The following DIPK2B variants were observed in gnomAD, a reference collection of about 807,000 sequenced individuals.
DIPK2B encodes the protein divergent protein kinase domain 2B, also known as UPF0672 protein CXorf36.
A neutral mutation model predicts 22.2 loss-of-function variants in DIPK2B; 15 were observed. That is an observed-to-expected ratio of 0.68 (90% CI 0.45 to 1.04). The LOEUF (loss-of-function observed/expected upper bound fraction) is 1.04, where lower values mean the gene tolerates loss of function less well. Among genes scored for constraint, DIPK2B ranks in the 50% least tolerant of loss-of-function variants. The probability of loss-of-function intolerance (pLI) is 0.00; values close to 1 mark genes in which losing one functional copy is unlikely to be tolerated. For synonymous variants in DIPK2B, 163 were observed against 153.2 expected (o/e 1.06, Z -0.47); for missense variants, 345 against 348.3 (o/e 0.99, Z 0.08).
At chrX:45,153,520 GT>G (rs2046972197) in intron 4 of DIPK2B, among the ~76,000 whole-genome samples, 1 of 104,548 alleles carries the variant, frequency 9.6e-6, no homozygotes, top group Non-Finnish European at 2.0e-5. Context: ...GTGTGTGTGT[GT>G]GACAGAGAGA....
chrX:45,158,266 G>C (rs890469300), intron 2 of DIPK2B, among the ~76,000 whole-genome samples: 1 of 110,221 alleles, frequency 9.1e-6, no homozygotes, highest in African/African-American at 3.3e-5. Flanking sequence ...CACTGGGCAG[G>C]CTGAGGGCAG....
intron 2 of DIPK2B, among the ~76,000 whole-genome samples, chrX:45,174,829 G>A (rs2047107490): frequency 9.0e-6 from 1 of 111,445 alleles, no homozygotes; most frequent in African/African-American, 3.3e-5. Flanking sequence ...TCATGAAGAT[G>A]CCATGTGTAT....
At position 45,149,856 on chromosome X, in the gene DIPK2B, C is replaced by T. The variant is rs2046951401; in HGVS notation, c.*1796G>A. 8.9e-6 allele frequency: 1 copy of T among 112,583 alleles called. No individual in the cohort carries two copies. Among genetic ancestry groups the T allele is most frequent in the African/African-American group, 3.2e-5 (1 of 30,912 alleles). 9.3% of individuals were successfully genotyped at this position (112,583 alleles called of 1,213,427 possible). On this transcript the variant is annotated 3_prime_UTR_variant, in exon 5 of 5. Transcript: ENST00000398000. ...AGTTTCCTCATCTGCACAGTGAGGCCTATTAAGCCAGGTGTTCTGACTTTA... is the reference window on the plus strand; with the variant it reads ...AGTTTCCTCATCTGCACAGTGAGGCTTATTAAGCCAGGTGTTCTGACTTTA...
chrX:45,196,493 G>C (rs2047239905), intron 1 of DIPK2B, among the ~76,000 whole-genome samples: 1 of 111,454 alleles, frequency 9.0e-6, no homozygotes, highest in African/African-American at 3.3e-5. Flanking sequence ...GCAAAATCAG[G>C]CCTGACGATT....
chrX:45,191,739 C>A lies in DIPK2B; in HGVS notation c.498+12G>T, dbSNP rs191237908. ...CCCCTTCACACCCCCTTCCCATGGC[C>A]TTCACACTCACCTGCACCAGGTCCG... On this transcript the variant is annotated intron_variant, in intron 2 of 4. Coordinates refer to ENST00000398000, the MANE Select transcript of DIPK2B (RefSeq NM_176819.4). 3.6e-4 allele frequency: 440 copies of A among 1,205,954 alleles called. 1 individual carries two copies. The East Asian group carries it at 8.6e-3, about 23-fold the overall frequency.
At chrX:45,175,879 A>G (rs1388797856) in intron 2 of DIPK2B, among the ~76,000 whole-genome samples, 1 of 107,645 alleles carries the variant, frequency 9.3e-6, no homozygotes, top group African/African-American at 3.4e-5. Flanking sequence ...TTAAGCATGC[A>G]TTTGAGAAAT....
chrX:45,173,537 CT>C (rs1376499165), intron 2 of DIPK2B, among the ~76,000 whole-genome samples: 10 of 98,316 alleles, frequency 1.0e-4, no homozygotes, highest in Non-Finnish European at 1.8e-4. Flanking sequence ...TTCTTCCTTT[CT>C]TTCTTCTTTC....
intron 2 of DIPK2B, chrX:45,183,154 T>C (rs1179432482): frequency 8.9e-6 from 1 of 111,993 alleles, no homozygotes; most frequent in Non-Finnish European, 1.9e-5. Flanking sequence ...AAGCACAGAG[T>C]ATGAAGAAAG....
rs567329995 is a variant in DIPK2B at position 45,168,233 on chromosome X, G to T, written c.499-10345C>A. Among the ~76,000 whole-genome samples the T allele has an allele frequency of 2.4e-4, 27 of 112,282 alleles. 1 individual carries two copies. The South Asian group carries it at 8.5e-3, about 35-fold the overall frequency. ...GTTTCTCTCTGTTACCGTTGGCTTA[G>T]GCTGATCAGTTCAGGTTCCCTGAAA... On this transcript the variant is annotated intron_variant, in intron 2 of 4. Coordinates refer to ENST00000398000, the MANE Select transcript of DIPK2B (RefSeq NM_176819.4).
intron 3 of DIPK2B, among the ~76,000 whole-genome samples, chrX:45,156,853 G>A (rs763209042): frequency 9.0e-6 from 1 of 111,218 alleles, no homozygotes; most frequent in African/African-American, 3.3e-5. Flanking sequence ...TGTCTTTGCT[G>A]TGGCTTCTTC....
At chrX:45,163,759 T>C (rs190238672) in intron 2 of DIPK2B, 1 of 759,338 alleles carries the variant, frequency 1.3e-6, no homozygotes, top group Non-Finnish European at 1.6e-6. Context: ...CAGGTTTTCC[T>C]TCAGACCAGA....
At chrX:45,160,248 C>A (rs965918770) in intron 2 of DIPK2B, among the ~76,000 whole-genome samples, 3 of 109,701 alleles carry the variant, frequency 2.7e-5, no homozygotes, top group African/African-American at 1.0e-4. Context: ...ACTCTTGTCC[C>A]CCAGGCTGGA....
intron 1 of DIPK2B, among the ~76,000 whole-genome samples, chrX:45,194,234 C>T (rs2047226805): frequency 1.1e-5 from 1 of 88,131 alleles, no homozygotes; most frequent in Non-Finnish European, 2.2e-5. Context: ...ACCTCCATAC[C>T]CAACCCCAAG....
intron 2 of DIPK2B, among the ~76,000 whole-genome samples, chrX:45,187,241 G>A (rs1263960039): frequency 8.9e-6 from 1 of 112,129 alleles, no homozygotes; most frequent in Non-Finnish European, 1.9e-5. Context: ...CAGCTGCCTA[G>A]GGTGGTTGCC....
chrX:45,161,105 G>C (rs1398583741), intron 2 of DIPK2B, among the ~76,000 whole-genome samples: 4 of 112,369 alleles, frequency 3.6e-5, no homozygotes, highest in African/African-American at 1.3e-4. Flanking sequence ...GATGTGATGG[G>C]TGGTGCTCAG....
Position 45,151,753 on chromosome X carries a change from C to A in DIPK2B, c.1201G>T (p.Gly401Trp). The change falls in exon 5 of 5, where the codon GGG (glycine) becomes TGG (tryptophan). Residue 401 changes from glycine (G) to tryptophan (W), a missense_variant. Transcript: ENST00000398000. ...DSIRPDPEVL[G>W]AASQLKDILR... Reference sequence around the variant, plus strand: ...ATGTCTTTCAGCTGGCTGGCGGCCCCAAGGACTTCTGGGTCTGGGCGGATG... The same window carrying A: ...ATGTCTTTCAGCTGGCTGGCGGCCCAAAGGACTTCTGGGTCTGGGCGGATG... 1 of 1,212,048 alleles carries A rather than the reference C, an allele frequency of 8.3e-7. No individual in the cohort carries two copies. Among genetic ancestry groups the A allele is most frequent in the Non-Finnish European group, 1.1e-6 (1 of 895,492 alleles).
At chrX:45,190,157 A>G (rs764441648) in intron 2 of DIPK2B, among the ~76,000 whole-genome samples, 3 of 112,619 alleles carry the variant, frequency 2.7e-5, no homozygotes, top group African/African-American at 9.7e-5. Flanking sequence ...TCATTAGGAT[A>G]AATGAATCAG....
intron 1 of DIPK2B, among the ~76,000 whole-genome samples, chrX:45,192,279 G>A (rs1299363951): frequency 1.8e-5 from 2 of 111,886 alleles, no homozygotes; most frequent in Non-Finnish European, 3.8e-5. Flanking sequence ...ACTAGCCATA[G>A]CTCTCTGAAC....
chrX:45,154,367 T>C (rs1324611172), intron 3 of DIPK2B, among the ~76,000 whole-genome samples, 169 bp from the exon 4 acceptor site: 1 of 110,462 alleles, frequency 9.1e-6, no homozygotes, highest in African/African-American at 3.3e-5. Flanking sequence ...CTCTATCATC[T>C]ATCTATCTCT....
Sources: gnomAD v4.1 joint callset for allele counts (sites outside exome capture counted in the v4.1 genomes callset) on GRCh38, gnomAD v4.1.1 for gene constraint, MANE v1.5 for transcripts, NCBI Gene and HGNC (gene_info 2026-07-23, HGNC 2026-07-21) for gene names.